The following GRM5 variants were observed in gnomAD, a reference collection of about 807,000 sequenced individuals.
GRM5 encodes glutamate metabotropic receptor 5, also known as metabotropic glutamate receptor 5.
In GRM5, 19 loss-of-function variants were observed where a neutral mutation model predicts 83.1. The ratio of observed to expected loss-of-function variants is 0.23; its 90% CI spans 0.16 to 0.34. The LOEUF (loss-of-function observed/expected upper bound fraction) is 0.34. Among genes scored for constraint, GRM5 ranks in the 10% least tolerant of loss-of-function variants. The probability of loss-of-function intolerance (pLI) is 1.00; values close to 1 mark genes in which losing one functional copy is unlikely to be tolerated. For missense variants in GRM5, 1,160 were observed against 1,588.3 expected (o/e 0.73, Z 4.58); for synonymous variants, 675 against 633.6 (o/e 1.07, Z -0.98).
At chr11:88,637,928 G>A (rs968117622) in intron 4 of GRM5, among the ~76,000 whole-genome samples, 1 of 151,208 alleles carries the variant, frequency 6.6e-6, no homozygotes, top group African/African-American at 2.4e-5. Context: ...ATGATAGACT[G>A]GATTAAGAAA....
chr11:88,759,815 C>T (rs1565217658), intron 3 of GRM5, among the ~76,000 whole-genome samples: 1 of 152,102 alleles, frequency 6.6e-6, no homozygotes, highest in Non-Finnish European at 1.5e-5. Flanking sequence ...AAACTGACCA[C>T]ATAATCAGAC....
chr11:88,798,610 A>G (rs1459971442), intron 3 of GRM5, among the ~76,000 whole-genome samples: 1 of 152,066 alleles, frequency 6.6e-6, no homozygotes, highest in African/African-American at 2.4e-5. Flanking sequence ...AGGTTTAACG[A>G]TATTGGTCTG....
chr11:88,584,654 A>G lies in GRM5; in HGVS notation c.1690+5947T>C, dbSNP rs149053283. On this transcript the variant is annotated intron_variant, in intron 7 of 9. Coordinates refer to ENST00000305447, the MANE Select transcript of GRM5 (RefSeq NM_001143831.3). ...AGACAAGGTTTTGCCATGTTGGCCA[A>G]GCTGGTCTCAAACTCCTGACCTCAG... Among the ~76,000 whole-genome samples, 1,115 of 152,176 alleles carry G rather than the reference A, an allele frequency of 7.3e-3. 11 individuals carry two copies. The highest frequency in any genetic ancestry group is 0.026 in the African/African-American group (1,077 of 41,516).
rs1942624548 is a variant in GRM5 at position 88,766,357 on chromosome 11, A to G, written c.911+83549T>C. 1.3e-5 allele frequency among the ~76,000 whole-genome samples: 2 copies of G among 152,132 alleles called. 1 individual carries two copies. Among genetic ancestry groups the G allele is most frequent in the South Asian group, 4.1e-4 (2 of 4,824 alleles). The stretch of plus-strand genomic sequence containing the variant: ...TGGCACGGTACTGGTACACAAACAG[A>G]CAAATAGACAAATGGAATGGAATAG... On this transcript the variant is annotated intron_variant, in intron 3 of 9. Coordinates refer to ENST00000305447, the MANE Select transcript of GRM5 (RefSeq NM_001143831.3).
intron 2 of GRM5, among the ~76,000 whole-genome samples, chr11:88,963,845 T>C (rs1397134174): frequency 6.6e-6 from 1 of 152,176 alleles, no homozygotes; most frequent in Non-Finnish European, 1.5e-5. Context: ...TCTCAGTACA[T>C]TATGGCCAAT....
chr11:88,950,257 C>T (rs538173517), intron 2 of GRM5, among the ~76,000 whole-genome samples: 2 of 151,180 alleles, frequency 1.3e-5, no homozygotes, highest in South Asian at 4.2e-4. Flanking sequence ...AGAAAAATAC[C>T]AGGAATATGT....
chr11:88,653,233 T>C lies in GRM5; in HGVS notation c.1082A>G (p.His361Arg). ...RNPWFQEFWQ[H>R]RFQCRLEGFP... ...CCCTTCCAGTCGGCACTGAAAACGA[T>C]GCTGCCAAAATTCTTGAAACCAAGG... The change falls in exon 4 of 10, where the codon CAT becomes CGT. Residue 361 changes from histidine (H) to arginine (R), a missense_variant. Around this residue, in one of 9 missense-constraint regions of GRM5, gnomAD observed 132 missense variants for 197.6 expected, o/e 0.67. Transcript: ENST00000305447. 1.2e-6 allele frequency: 2 copies of C among 1,613,228 alleles called. No homozygotes were observed. The highest frequency in any genetic ancestry group is 1.7e-5 in the Admixed American group (1 of 59,900).
chr11:89,043,306 A>T (rs1457121116), intron 2 of GRM5, among the ~76,000 whole-genome samples: 2 of 152,152 alleles, frequency 1.3e-5, no homozygotes, highest in Admixed American at 1.3e-4. Flanking sequence ...CTTGTCAATC[A>T]CCCAGGAAGT....
At chr11:88,654,021 G>C (rs1022356684) in intron 3 of GRM5, among the ~76,000 whole-genome samples, 2 of 151,936 alleles carry the variant, frequency 1.3e-5, no homozygotes, top group Non-Finnish European at 2.9e-5. Flanking sequence ...CTATCCCATG[G>C]AATCTCTAAA....
intron 2 of GRM5, among the ~76,000 whole-genome samples, chr11:88,898,669 G>A (rs1018202818): frequency 4.0e-5 from 6 of 151,856 alleles, no homozygotes; most frequent in Non-Finnish European, 8.8e-5. Flanking sequence ...ACAGATTTGT[G>A]TATGTGTATG....
At chr11:88,821,370 GA>G (rs1191938320) in intron 3 of GRM5, among the ~76,000 whole-genome samples, 5,728 of 118,436 alleles carry the variant, frequency 0.048, 341 homozygotes, top group African/African-American at 0.16. Flanking sequence ...AAAGAAAAAA[GA>G]AAAAAAAAAA....
At chr11:88,760,836 G>A (rs190495809) in intron 3 of GRM5, among the ~76,000 whole-genome samples, 145 of 152,172 alleles carry the variant, frequency 9.5e-4, no homozygotes, top group African/African-American at 3.4e-3. Context: ...AAATCCAGCA[G>A]CTCATCAAAA....
chr11:88,807,452 A>G (rs191045292), intron 3 of GRM5, among the ~76,000 whole-genome samples: 7 of 152,242 alleles, frequency 4.6e-5, no homozygotes, highest in African/African-American at 1.7e-4. Flanking sequence ...TAAAATCTGA[A>G]GAGAAAAGAA....
rs769573943 is a variant in GRM5 at position 88,508,778 on chromosome 11, C to T, written c.3453G>A (p.Ala1151=). The T allele has an allele frequency of 1.0e-5, 15 of 1,469,358 alleles. No individual in the cohort carries two copies. The African/African-American group carries it at 2.1e-4, about 20-fold the overall frequency. 91.0% of individuals were successfully genotyped at this position (1,469,358 alleles called of 1,614,324 possible). A position where few individuals can be genotyped will look rare whatever the true frequency, so the allele number is the denominator to read the frequency against. The change falls in exon 10 of 10, where the codon GCG becomes GCA. Residue 1151 remains alanine, a synonymous_variant. Coordinates refer to ENST00000305447, the MANE Select transcript of GRM5 (RefSeq NM_001143831.3). The surrounding 1 kb of genome is among the most constrained non-coding windows in gnomAD (Gnocchi z 4.2). ...GCTCCTCCAGGTCTGGCTTGGCGGC[C>T]GCAGCCTCGGGACCGGCCGCGGGGC... ...RESPAAGPEA[A]AAKPDLEELV... is the part of the protein sequence containing the mutation.
At chr11:88,664,930 T>C (rs1469805423) in intron 3 of GRM5, among the ~76,000 whole-genome samples, 2 of 152,290 alleles carry the variant, frequency 1.3e-5, no homozygotes, top group Admixed American at 1.3e-4. Context: ...AAGGAAAGAC[T>C]ATATGTATGA....
intron 2 of GRM5, among the ~76,000 whole-genome samples, chr11:88,974,415 A>T (rs1432072548): frequency 6.6e-6 from 1 of 151,842 alleles, no homozygotes; most frequent in East Asian, 1.9e-4. Flanking sequence ...ATAGATAGAT[A>T]GATAGATAAT....
chr11:88,727,702 G>A (rs1181247585), intron 3 of GRM5, among the ~76,000 whole-genome samples: 2 of 151,584 alleles, frequency 1.3e-5, no homozygotes, highest in Non-Finnish European at 3.0e-5. Flanking sequence ...AGACCACAGT[G>A]CATTAGAACT....
intron 8 of GRM5, among the ~76,000 whole-genome samples, chr11:88,552,980 G>A (rs1942546250): frequency 6.6e-6 from 1 of 152,186 alleles, no homozygotes; most frequent in Non-Finnish European, 1.5e-5. Context: ...TCAGAAGTCT[G>A]CAACTGCTTA....
intron 3 of GRM5, among the ~76,000 whole-genome samples, chr11:88,713,244 A>C (rs966190900): frequency 1.3e-5 from 2 of 152,028 alleles, no homozygotes; most frequent in Non-Finnish European, 2.9e-5. Flanking sequence ...AAAATTAATA[A>C]AATTTGCTGT....
Sources: gnomAD v4.1 joint callset for allele counts (sites outside exome capture counted in the v4.1 genomes callset) on GRCh38, gnomAD v4.1.1 for gene constraint, gnomAD v4.1.1 regional missense constraint, Gnocchi (gnomAD v3.1) non-coding constraint, MANE v1.5 for transcripts, NCBI Gene and HGNC (gene_info 2026-07-23, HGNC 2026-07-21) for gene names.